SLC5A11: variants seen among roughly 807,000 people sequenced by gnomAD.
SLC5A11 encodes the protein solute carrier family 5 member 11.
SLC5A11 carries 48 observed loss-of-function variants against 69.8 expected under a neutral mutation model. The ratio of observed to expected loss-of-function variants is 0.69; its 90% CI spans 0.55 to 0.87. SLC5A11 has a LOEUF of 0.87. Among genes scored for constraint, SLC5A11 ranks in the 40% least tolerant of loss-of-function variants. The pLI, the probability that SLC5A11 is intolerant of heterozygous loss-of-function variation, is 0.00. For synonymous variants in SLC5A11, 319 were observed against 342.4 expected (o/e 0.93, Z 0.75); for missense variants, 784 against 866.1 (o/e 0.91, Z 1.19).
chr16:24,870,894 C>G (rs937098448), intron 4 of SLC5A11, among the ~76,000 whole-genome samples: 2 of 150,832 alleles, frequency 1.3e-5, no homozygotes, highest in East Asian at 3.9e-4. Flanking sequence ...GTACTTTAGA[C>G]GTCAATCGGC....
At chr16:24,878,467 CTTGAT>C (rs913615724) in intron 7 of SLC5A11, among the ~76,000 whole-genome samples, 2 of 152,158 alleles carry the variant, frequency 1.3e-5, no homozygotes, top group African/African-American at 4.8e-5. Context: ...CTCCTCTTGG[CTTGAT>C]ATAACTCATT....
chr16:24,911,619 TACC>T, exon 16 of SLC5A11: 1 of 1,334,984 alleles, frequency 7.5e-7, no homozygotes, highest in East Asian at 2.3e-5. Flanking sequence ...AGCTTTTGTT[TACC>T]ACAAGGCTTC....
intron 14 of SLC5A11, among the ~76,000 whole-genome samples, chr16:24,909,923 G>A (rs986889952): frequency 2.0e-5 from 3 of 151,468 alleles, no homozygotes; most frequent in Admixed American, 1.3e-4. Context: ...GATGGAGTCA[G>A]CTCAGGACAC....
At chr16:24,863,062 AAT>A (rs914536731) in intron 3 of SLC5A11, among the ~76,000 whole-genome samples, 6 of 143,812 alleles carry the variant, frequency 4.2e-5, no homozygotes, top group South Asian at 2.1e-4. Flanking sequence ...ATAGTTATAT[AAT>A]ATATATGATT....
At chr16:24,854,774 G>A (rs1385106462) in intron 1 of SLC5A11, among the ~76,000 whole-genome samples, 1 of 151,928 alleles carries the variant, frequency 6.6e-6, no homozygotes, top group Admixed American at 6.6e-5. Flanking sequence ...TTACCTAATG[G>A]GGCTTCACCC....
chr16:24,879,797 T>C (rs993089713), intron 7 of SLC5A11, among the ~76,000 whole-genome samples: 2 of 152,178 alleles, frequency 1.3e-5, no homozygotes, highest in African/African-American at 2.4e-5. Flanking sequence ...CCTGCATTAA[T>C]TCACTTAGGA....
intron 8 of SLC5A11, among the ~76,000 whole-genome samples, chr16:24,890,520 GA>G (rs2048718306): frequency 1.1e-4 from 1 of 9,048 alleles, no homozygotes; most frequent in Admixed American, 1.4e-3. Context: ...AAAAAAGAAG[GA>G]AGGAAGGAAA....
intron 8 of SLC5A11, among the ~76,000 whole-genome samples, chr16:24,890,310 C>G (rs1035966071): frequency 6.6e-6 from 1 of 151,420 alleles, no homozygotes; most frequent in Admixed American, 6.6e-5. Flanking sequence ...GTGGTGAAAC[C>G]CCATCTCTAC....
At chr16:24,867,194 G>A (rs536598586) in intron 3 of SLC5A11, among the ~76,000 whole-genome samples, 1 of 152,216 alleles carries the variant, frequency 6.6e-6, no homozygotes, top group Admixed American at 6.5e-5. Context: ...TCTATCCACA[G>A]TGGAATGAAA....
rs1450700856 is a variant in SLC5A11, at chr16:24,891,197, C to G, written c.870+123C>G. Reference sequence around the variant, plus strand: ...ATTTGCGTTTTCCCTGCTTCCTTGACTACTTCCTCCTTTCCATTGCTCTAC... The same window carrying G: ...ATTTGCGTTTTCCCTGCTTCCTTGAGTACTTCCTCCTTTCCATTGCTCTAC... On this transcript the variant is annotated intron_variant, in intron 9 of 15. Transcript: ENST00000347898. 3 of 844,878 alleles carry G rather than the reference C, an allele frequency of 3.6e-6. No homozygotes were observed. The Admixed American group carries it at 7.4e-5, about 21-fold the overall frequency. The allele number at this position is 844,878 out of a possible 1,614,324, so 52.3% of individuals were successfully genotyped here. A position where few individuals can be genotyped will look rare whatever the true frequency, so the allele number is the denominator to read the frequency against.
At chr16:24,861,013 G>A (rs2059748733) in intron 2 of SLC5A11, among the ~76,000 whole-genome samples, 1 of 151,904 alleles carries the variant, frequency 6.6e-6, no homozygotes, top group East Asian at 1.9e-4. Context: ...AGCCAGTATT[G>A]TTAATATGCA....
At chr16:24,885,237 T>C (rs780332736) in intron 8 of SLC5A11, among the ~76,000 whole-genome samples, 1 of 152,040 alleles carries the variant, frequency 6.6e-6, no homozygotes, top group South Asian at 2.1e-4. Context: ...AGCTCTCTGA[T>C]AGGTTCAGGG....
chr16:24,874,688 C>A (rs141601942), intron 5 of SLC5A11, among the ~76,000 whole-genome samples: 1 of 152,028 alleles, frequency 6.6e-6, no homozygotes, highest in African/African-American at 2.4e-5. Flanking sequence ...TGCCTCACTC[C>A]GTCCCCCACC....
chr16:24,884,585 A>G (rs2048278902), intron 8 of SLC5A11, among the ~76,000 whole-genome samples: 1 of 144,122 alleles, frequency 6.9e-6, no homozygotes, highest in Non-Finnish European at 1.5e-5. Context: ...TCCTGGCCTC[A>G]AGTGATTCTC....
In SLC5A11 at chr16:24,849,999, G is replaced by A. The variant is rs138460920; in HGVS notation, c.-25+3561G>A. Among the ~76,000 whole-genome samples, 419 of 152,104 alleles carry A rather than the reference G, an allele frequency of 2.8e-3. 1 individual carries two copies. The highest frequency in any genetic ancestry group is 9.8e-3 in the African/African-American group (407 of 41,488). On this transcript the variant is annotated intron_variant, in intron 1 of 15. Coordinates refer to ENST00000347898, the Ensembl canonical transcript of SLC5A11. Reference sequence around the variant, plus strand: ...GAGACAGGGTCTGGAGTGCAGTGGTGCAATCACAGCTCACTACATCCTCAA... The same window carrying A: ...GAGACAGGGTCTGGAGTGCAGTGGTACAATCACAGCTCACTACATCCTCAA...
chr16:24,883,652 C>T (rs75947620), intron 7 of SLC5A11, among the ~76,000 whole-genome samples: 3 of 152,286 alleles, frequency 2.0e-5, no homozygotes, highest in Middle Eastern at 3.4e-3. Context: ...CTTGGGCTGT[C>T]GACTGGGCTT....
chr16:24,870,703 C>G (rs1459853083), intron 4 of SLC5A11, among the ~76,000 whole-genome samples: 3 of 142,950 alleles, frequency 2.1e-5, no homozygotes, highest in Non-Finnish European at 4.5e-5. Flanking sequence ...TCACTTGAAC[C>G]TGGGAGACAG....
At chr16:24,862,406 C>A (rs188141025) in intron 2 of SLC5A11, among the ~76,000 whole-genome samples, 195 bp from the exon 4 acceptor site, 1 of 152,258 alleles carries the variant, frequency 6.6e-6, no homozygotes, top group Non-Finnish European at 1.5e-5. Context: ...CTTTGTTGAC[C>A]TGAAGAGTTT....
At chr16:24,882,771 G>A (rs1429774720) in intron 7 of SLC5A11, among the ~76,000 whole-genome samples, 4 of 152,046 alleles carry the variant, frequency 2.6e-5, no homozygotes, top group Non-Finnish European at 5.9e-5. Context: ...TCAGCCTCCC[G>A]AGTAGCTGGG....
Sources: gnomAD v4.1 joint callset for allele counts (sites outside exome capture counted in the v4.1 genomes callset) on GRCh38, gnomAD v4.1.1 for gene constraint, MANE v1.5 for transcripts, NCBI Gene and HGNC (gene_info 2026-07-23, HGNC 2026-07-21) for gene names.